BCL7C: variants seen among roughly 807,000 people sequenced by gnomAD.
The protein encoded by BCL7C is B-cell CLL/lymphoma 7 protein family member C.
BCL7C carries 8 observed loss-of-function variants against 26.2 expected under a neutral mutation model. The observed-to-expected ratio is 0.30, with a 90% confidence interval of 0.18 to 0.55. The LOEUF (loss-of-function observed/expected upper bound fraction) is 0.55, where lower values mean the gene tolerates loss of function less well. Among genes scored for constraint, BCL7C ranks in the 20% least tolerant of loss-of-function variants. The pLI, the probability that BCL7C is intolerant of heterozygous loss-of-function variation, is 0.93. For missense variants in BCL7C, 262 were observed against 298.5 expected, an observed-to-expected ratio of 0.88 and a Z score of 0.90; for synonymous variants, 90 against 116.5, an observed-to-expected ratio of 0.77 and a Z score of 1.47.
intron 5 of BCL7C, among the ~76,000 whole-genome samples, chr16:30,836,511 G>A (rs1391319520): frequency 1.9e-5 from 2 of 107,436 alleles, no homozygotes; most frequent in Admixed American, 1.1e-4. Context: ...TTCTCCCTTT[G>A]TTGTTCAGGC....
At chr16:30,842,052 T>C (rs1485439665) in intron 5 of BCL7C, among the ~76,000 whole-genome samples, 1 of 152,060 alleles carries the variant, frequency 6.6e-6, no homozygotes. Flanking sequence ...TGTCTTTGTC[T>C]TTTATTCCCG....
chr16:30,877,731 G>A (rs1325810174), intron 5 of BCL7C, among the ~76,000 whole-genome samples: 2 of 151,632 alleles, frequency 1.3e-5, no homozygotes, highest in Non-Finnish European at 2.9e-5. Flanking sequence ...GAGCCACCGC[G>A]CCCAGCCTAG....
chr16:30,873,914 TC>T (rs2054905333), intron 5 of BCL7C, among the ~76,000 whole-genome samples: 1 of 138,662 alleles, frequency 7.2e-6, no homozygotes, highest in Admixed American at 8.1e-5. Context: ...ATATAATTTT[TC>T]CTCCTCTCTC....
At chr16:30,851,754 T>C in intron 5 of BCL7C, 2 of 504,426 alleles carry the variant, frequency 4.0e-6, no homozygotes, top group Non-Finnish European at 3.6e-6. Context: ...ACCGTGACCT[T>C]TTTTTGGTGC....
At position 30,893,948 on chromosome 16, in the gene BCL7C, G is replaced by A. The variant is rs561961240; in HGVS notation, c.-4C>T. The A allele has an allele frequency of 3.9e-6, 6 of 1,534,554 alleles. No homozygotes were observed. In the South Asian group the frequency reaches 4.6e-5, roughly 12 times the overall value. ...CCCGTACAGTCCGGCCGGCCATGCT[G>A]GCGGGGCTGGGGCCGGGGCCGAGCC... On this transcript the variant is annotated 5_prime_UTR_variant, in exon 1 of 6. Transcript: ENST00000215115. This position sits in a 1 kb window ranked among gnomAD's most constrained non-coding sequence, Gnocchi z 5.2.
downstream of BCL7C, among the ~76,000 whole-genome samples, chr16:30,886,218 T>G (rs1000923085): frequency 2.0e-5 from 3 of 152,150 alleles, no homozygotes; most frequent in Non-Finnish European, 2.9e-5. Context: ...AAAATAAAAA[T>G]AGGGCCAATA....
intron 5 of BCL7C, among the ~76,000 whole-genome samples, chr16:30,864,384 TGTTTA>T (rs1381079770): frequency 3.3e-5 from 5 of 152,190 alleles, no homozygotes; most frequent in African/African-American, 9.7e-5. Flanking sequence ...TTGTGTCTTC[TGTTTA>T]GTTTCTCAAT....
intron 5 of BCL7C, chr16:30,875,373 GC>G (rs1424413220): frequency 1.3e-5 from 2 of 152,670 alleles, no homozygotes; most frequent in African/African-American, 2.4e-5. Context: ...GCGCGCCCGC[GC>G]CCCAACCGGA....
intron 5 of BCL7C, among the ~76,000 whole-genome samples, chr16:30,881,176 C>T (rs560632288): frequency 6.6e-6 from 1 of 152,234 alleles, no homozygotes; most frequent in East Asian, 1.9e-4. Context: ...GCGGGTGGAT[C>T]ACCTGAGGTC....
chr16:30,869,323 C>T (rs965551529), intron 5 of BCL7C, among the ~76,000 whole-genome samples: 8 of 152,034 alleles, frequency 5.3e-5, no homozygotes, highest in Admixed American at 1.3e-4. Context: ...ATCCTCCCAC[C>T]TCAGCCTCCT....
At chr16:30,837,615 T>A (rs1350765367) in intron 5 of BCL7C, among the ~76,000 whole-genome samples, 1 of 152,216 alleles carries the variant, frequency 6.6e-6, no homozygotes, top group Admixed American at 6.5e-5. Context: ...CCCCAAGTGC[T>A]GGGATTACAG....
At position 30,873,068 on chromosome 16, in the gene BCL7C, G is replaced by A. The variant is rs117993253; in HGVS notation, c.528+15792C>T. 3.9e-5 allele frequency among the ~76,000 whole-genome samples: 5 copies of A among 128,178 alleles called. No individual in the cohort carries two copies. The East Asian group carries it at 7.0e-4, about 18-fold the overall frequency. The allele number at this position is 128,178 out of a possible 152,430, so 84.1% of individuals were successfully genotyped here. ...TGTTCTTTAAAAATTATCAACTCAC[G>A]TTTTGATGGAACTAGGTGTATTCAA... On this transcript the variant is annotated intron_variant, in intron 5 of 5. Coordinates refer to the BCL7C transcript ENST00000380317.
intron 5 of BCL7C, among the ~76,000 whole-genome samples, chr16:30,859,629 C>G (rs191968416): frequency 4.6e-5 from 7 of 152,156 alleles, no homozygotes; most frequent in Non-Finnish European, 1.0e-4. Context: ...TATTCTCCCC[C>G]CTCCCCACCT....
chr16:30,889,645 C>A (rs1449907378), intron 4 of BCL7C, among the ~76,000 whole-genome samples: 2 of 152,114 alleles, frequency 1.3e-5, no homozygotes, highest in Non-Finnish European at 2.9e-5. Flanking sequence ...TGTGCCACCA[C>A]GTCCCGCTGA....
rs530196736 is a variant in BCL7C at position 30,840,198 on chromosome 16, C to T, written c.529-5050G>A. On this transcript the variant is annotated intron_variant, in intron 5 of 5. Coordinates refer to the BCL7C transcript ENST00000380317. ...TAAGAACTTAGGTTCTGTTCTACAC[C>T]GTCAAATTCCAAGTTGTTTTTTTTT... Among the ~76,000 whole-genome samples, 14 of 150,860 alleles carry T rather than the reference C, an allele frequency of 9.3e-5. No homozygotes were observed. The East Asian group carries it at 9.7e-4, about 10-fold the overall frequency.
intron 5 of BCL7C, among the ~76,000 whole-genome samples, chr16:30,837,029 C>T (rs1224240332): frequency 6.6e-6 from 1 of 151,052 alleles, no homozygotes; most frequent in Non-Finnish European, 1.5e-5. Flanking sequence ...CTCCTGACCT[C>T]GTGATCCACC....
intron 5 of BCL7C, chr16:30,852,166 ACTT>A (rs2054680986): frequency 6.4e-6 from 1 of 156,270 alleles, no homozygotes; most frequent in Admixed American, 6.5e-5. Context: ...TCTTTGCAAA[ACTT>A]CTTGAACCAC....
intron 5 of BCL7C, among the ~76,000 whole-genome samples, chr16:30,853,855 G>A (rs187783218): frequency 2.6e-5 from 4 of 152,148 alleles, no homozygotes; most frequent in East Asian, 1.9e-4. Flanking sequence ...CCACACCCAG[G>A]TTAAAATTAT....
intron 4 of BCL7C, among the ~76,000 whole-genome samples, chr16:30,891,411 A>G (rs552146961): frequency 4.9e-4 from 75 of 152,276 alleles, no homozygotes; most frequent in Non-Finnish European, 8.5e-4. Context: ...GCAGTGAGCC[A>G]AGATTGTGCC....
Sources: allele counts gnomAD v4.1 joint callset (sites outside exome capture counted in the v4.1 genomes callset), GRCh38; gene constraint gnomAD v4.1.1; non-coding constraint Gnocchi (gnomAD v3.1); transcripts MANE v1.5; gene names NCBI Gene and HGNC (gene_info 2026-07-23, HGNC 2026-07-21).